SGCZ: variants seen among roughly 807,000 people sequenced by gnomAD.
SGCZ encodes the protein zeta-sarcoglycan.
Under a neutral mutation model 41.3 loss-of-function variants are expected in SGCZ, and 40 were observed. The ratio of observed to expected loss-of-function variants is 0.97; its 90% CI spans 0.75 to 1.26. The LOEUF is 1.26. Among genes scored for constraint, SGCZ ranks in the 50% most tolerant of loss-of-function variants. The probability of loss-of-function intolerance (pLI) is 0.00; values close to 1 mark genes in which losing one functional copy is unlikely to be tolerated. For missense variants in SGCZ, 552 were observed against 369.8 expected (o/e 1.49, Z -4.04); for synonymous variants, 206 against 137.5 (o/e 1.50, Z -3.49).
intron 4 of SGCZ, among the ~76,000 whole-genome samples, chr8:14,166,339 C>T (rs187067221): frequency 6.6e-6 from 1 of 152,230 alleles, no homozygotes; most frequent in East Asian, 1.9e-4. Context: ...ATTTCGACAG[C>T]TTGTATTCAT....
At chr8:14,896,554 G>C (rs564337774) in intron 1 of SGCZ, among the ~76,000 whole-genome samples, 133 of 152,138 alleles carry the variant, frequency 8.7e-4, no homozygotes, top group African/African-American at 2.4e-3. Flanking sequence ...TCGGCTCACT[G>C]CAAACTCCAC....
At chr8:14,222,849 G>A (rs902007172) in intron 4 of SGCZ, among the ~76,000 whole-genome samples, 1 of 122,536 alleles carries the variant, frequency 8.2e-6, no homozygotes. Context: ...GTCTTGCTCT[G>A]TCGCCCAGGC....
chr8:14,382,426 A>G (rs1170526923), intron 2 of SGCZ, among the ~76,000 whole-genome samples: 1 of 152,014 alleles, frequency 6.6e-6, no homozygotes, highest in African/African-American at 2.4e-5. Flanking sequence ...TTTAAAAAAA[A>G]ACACAATACC....
chr8:14,505,316 A>C (rs1034795569), intron 2 of SGCZ, among the ~76,000 whole-genome samples: 1 of 152,136 alleles, frequency 6.6e-6, no homozygotes, highest in Non-Finnish European at 1.5e-5. Context: ...ATGCAAGTGT[A>C]AGGACATAAA....
chr8:14,688,601 T>C (rs2117562994), intron 1 of SGCZ, among the ~76,000 whole-genome samples: 1 of 152,284 alleles, frequency 6.6e-6, no homozygotes, highest in South Asian at 2.1e-4. Flanking sequence ...ACTGTAGCCT[T>C]GTAGTATAGT....
intron 2 of SGCZ, among the ~76,000 whole-genome samples, chr8:14,422,469 T>C (rs147981059): frequency 1.2e-3 from 179 of 152,210 alleles, no homozygotes; most frequent in African/African-American, 4.2e-3. Context: ...ATAGTGAAAA[T>C]CTCGTTTCAA....
At chr8:14,804,533 A>G (rs1801456687) in intron 1 of SGCZ, among the ~76,000 whole-genome samples, 3 of 133,928 alleles carry the variant, frequency 2.2e-5, no homozygotes, top group Admixed American at 8.0e-5. Context: ...TAGAGAAAAA[A>G]GAATAAAAAG....
At chr8:15,160,841 G>A (rs1159524579) in intron 1 of SGCZ, among the ~76,000 whole-genome samples, 3 of 152,170 alleles carry the variant, frequency 2.0e-5, no homozygotes, top group Non-Finnish European at 4.4e-5. Flanking sequence ...CCTCCATTCT[G>A]TCTATTCTCA....
intron 1 of SGCZ, among the ~76,000 whole-genome samples, chr8:15,178,829 T>C (rs117847802): frequency 9.6e-4 from 147 of 152,346 alleles, no homozygotes; most frequent in Non-Finnish European, 1.7e-3. Flanking sequence ...GGCAAACAAG[T>C]TCTCCACAAA....
rs75589467 is a variant in SGCZ at position 15,223,641 on chromosome 8, A to C, written c.39+13944T>G. Reference sequence around the variant, plus strand: ...AAATATATATTAACAAGGATGTAATAAATATCTAACCTGGATCCATGATTT... The same window carrying C: ...AAATATATATTAACAAGGATGTAATCAATATCTAACCTGGATCCATGATTT... On this transcript the variant is annotated intron_variant, in intron 1 of 7. Transcript: ENST00000382080. Among the ~76,000 whole-genome samples the C allele has an allele frequency of 9.8e-5, 15 of 152,312 alleles. No individual in the cohort carries two copies. The East Asian group carries it at 2.5e-3, about 25-fold the overall frequency.
At chr8:14,373,657 T>G (rs1193424753) in intron 2 of SGCZ, among the ~76,000 whole-genome samples, 2 of 152,198 alleles carry the variant, frequency 1.3e-5, no homozygotes, top group Admixed American at 6.5e-5. Flanking sequence ...TCTGGTGAAT[T>G]TGCAGTCACT....
At position 14,493,359 on chromosome 8, in the gene SGCZ, C is replaced by CTTTTTT. The variant is rs57898016; in HGVS notation, c.234+61367_234+61372dup. Among the ~76,000 whole-genome samples the CTTTTTT allele has an allele frequency of 3.5e-3, 157 of 44,266 alleles. 30 individuals are homozygous for CTTTTTT. Among genetic ancestry groups the CTTTTTT allele is most frequent in the East Asian group, 8.6e-3 (9 of 1,048 alleles). 29.0% of individuals were successfully genotyped at this position (44,266 alleles called of 152,430 possible). A position where few individuals can be genotyped will look rare whatever the true frequency, so the allele number is the denominator to read the frequency against. On this transcript the variant is annotated intron_variant, in intron 2 of 7. Transcript: ENST00000382080. ...CATACTTTTCCCACTATCATCCTTT[C>CTTTTTT]TTTTTTTTTTTTTTTTTTTTTTTTT...
Position 14,264,920 on chromosome 8 carries a change from G to T in SGCZ, c.337-27241C>A, listed in dbSNP as rs188930734. On this transcript the variant is annotated intron_variant, in intron 3 of 7. Coordinates refer to ENST00000382080, the MANE Select transcript of SGCZ (RefSeq NM_139167.4). ...GGAGCTTGCAGTGAGCCGAGATGGC[G>T]CCACTGCACTCCGGCCTGGGTGACA... 7.4e-3 allele frequency among the ~76,000 whole-genome samples: 1,123 copies of T among 152,250 alleles called. 4 individuals carry two copies. The highest frequency in any genetic ancestry group is 0.024 in the Middle Eastern group (7 of 294).
chr8:14,771,793 T>C (rs1042726873), intron 1 of SGCZ, among the ~76,000 whole-genome samples: 1 of 152,114 alleles, frequency 6.6e-6, no homozygotes, highest in Non-Finnish European at 1.5e-5. Context: ...AACCCAAAGA[T>C]ACATTAATGA....
chr8:14,228,043 CT>C, intron 4 of SGCZ, among the ~76,000 whole-genome samples: 1 of 149,046 alleles, frequency 6.7e-6, no homozygotes, highest in African/African-American at 2.5e-5. Flanking sequence ...GAATGATCTT[CT>C]GTGTACATAT....
intron 2 of SGCZ, among the ~76,000 whole-genome samples, chr8:14,514,420 C>G (rs1028716074): frequency 6.6e-6 from 1 of 151,832 alleles, no homozygotes; most frequent in Non-Finnish European, 1.5e-5. Flanking sequence ...AACGACATCT[C>G]TTATAACTTA....
chr8:14,987,078 C>G (rs779231449), intron 1 of SGCZ, among the ~76,000 whole-genome samples: 1 of 151,684 alleles, frequency 6.6e-6, no homozygotes, highest in Non-Finnish European at 1.5e-5. Flanking sequence ...ACTATTTGTT[C>G]TGCATAAAGA....
At chr8:14,683,209 C>A (rs1464191096) in intron 1 of SGCZ, among the ~76,000 whole-genome samples, 1 of 152,012 alleles carries the variant, frequency 6.6e-6, no homozygotes, top group Non-Finnish European at 1.5e-5. Context: ...AATCTTCAGG[C>A]AATAGACTAA....
At chr8:15,074,295 A>G (rs1322524981) in intron 1 of SGCZ, among the ~76,000 whole-genome samples, 3 of 152,278 alleles carry the variant, frequency 2.0e-5, no homozygotes, top group East Asian at 1.9e-4. Flanking sequence ...TCCGAAAAAA[A>G]GTCACCTTCC....
Sources: allele counts gnomAD v4.1 joint callset (sites outside exome capture counted in the v4.1 genomes callset), GRCh38; gene constraint gnomAD v4.1.1; transcripts MANE v1.5; gene names NCBI Gene and HGNC (gene_info 2026-07-23, HGNC 2026-07-21).